The following MYO6 variants were observed in gnomAD, a reference collection of about 807,000 sequenced individuals.
The protein encoded by MYO6 is unconventional myosin-VI.
A neutral mutation model predicts 178.7 loss-of-function variants in MYO6; 74 were observed. The ratio of observed to expected loss-of-function variants is 0.41; its 90% CI spans 0.34 to 0.50. MYO6 has a LOEUF of 0.50. Ranked by LOEUF, MYO6 falls within the 20% of genes least tolerant of loss-of-function variation. The pLI, the probability that MYO6 is intolerant of heterozygous loss-of-function variation, is 0.09. For synonymous variants in MYO6, 477 were observed against 504.6 expected (o/e 0.95, Z 0.73); for missense variants, 1,330 against 1,547.4 (o/e 0.86, Z 2.36).
intron 1 of MYO6, among the ~76,000 whole-genome samples, chr6:75,780,408 C>G (rs1036995390): frequency 1.3e-5 from 2 of 152,018 alleles, no homozygotes; most frequent in Non-Finnish European, 2.9e-5. Flanking sequence ...TGCCACAGCA[C>G]TCCAGCCTGG....
intron 28 of MYO6, among the ~76,000 whole-genome samples, chr6:75,893,692 A>G (rs1177952810): frequency 6.6e-6 from 1 of 152,236 alleles, no homozygotes; most frequent in South Asian, 2.1e-4. Context: ...GCACCCACCA[A>G]ATAGTATGTG....
intron 22 of MYO6, among the ~76,000 whole-genome samples, chr6:75,880,602 G>A (rs1344071254): frequency 6.6e-6 from 1 of 152,172 alleles, no homozygotes; most frequent in Admixed American, 6.5e-5. Flanking sequence ...GGACAATCTT[G>A]TCTTAGAGCT....
At chr6:75,865,467 C>T (rs950311449) in intron 16 of MYO6, 1 of 147,990 alleles carries the variant, frequency 6.8e-6, no homozygotes, top group Admixed American at 6.9e-5. Flanking sequence ...GGGCTCAAAC[C>T]ATCCTCCCAC....
rs1047951800 is a variant in MYO6, at chr6:75,781,027, G to A, written c.-48+31604G>A. On this transcript the variant is annotated intron_variant, in intron 1 of 34. Coordinates refer to ENST00000369977, the MANE Select transcript of MYO6 (RefSeq NM_004999.4). ...AGGGTTTCACCATGTTGGCCAGGTC[G>A]GTCTCAAACTCCTGACCTCAAGTGA... Among the ~76,000 whole-genome samples the A allele has an allele frequency of 9.9e-5, 15 of 152,070 alleles. 1 individual carries two copies. In the East Asian group the frequency reaches 1.5e-3, roughly 16 times the overall value.
chr6:75,873,964 AC>A (rs1777364901), intron 20 of MYO6, among the ~76,000 whole-genome samples: 1 of 151,424 alleles, frequency 6.6e-6, no homozygotes, highest in Non-Finnish European at 1.5e-5. Flanking sequence ...CACCAACACT[AC>A]CCCTAATTTT....
chr6:75,844,567 A>G (rs1259529868), intron 9 of MYO6, among the ~76,000 whole-genome samples: 1 of 152,136 alleles, frequency 6.6e-6, no homozygotes, highest in Non-Finnish European at 1.5e-5. Flanking sequence ...GGTGATTTTC[A>G]TGATTTTATA....
At chr6:75,902,272 A>G (rs1029590997) in intron 30 of MYO6, among the ~76,000 whole-genome samples, 21 of 152,090 alleles carry the variant, frequency 1.4e-4, no homozygotes, top group Admixed American at 2.6e-4. Flanking sequence ...CTCTTTTTCT[A>G]TTGATTGGAA....
intron 1 of MYO6, among the ~76,000 whole-genome samples, chr6:75,808,869 C>G (rs1171823907): frequency 6.6e-6 from 1 of 152,102 alleles, no homozygotes; most frequent in African/African-American, 2.4e-5. Context: ...AAACTCAAGG[C>G]AGGGGGAGGG....
chr6:75,834,570 A>G (rs1425333413), intron 6 of MYO6, among the ~76,000 whole-genome samples: 1 of 152,118 alleles, frequency 6.6e-6, no homozygotes, highest in Non-Finnish European at 1.5e-5. Context: ...TTAAAAATGG[A>G]AGGAATCATA....
Position 75,889,636 on chromosome 6 carries a change from C to T in MYO6, c.2659-421C>T, listed in dbSNP as rs543915750. Reference sequence around the variant, plus strand: ...CTATGTTGGCCAGGCTGGTCTCGAACTCCTGACCTCAGGTGATCTGTCCAC... The same window carrying T: ...CTATGTTGGCCAGGCTGGTCTCGAATTCCTGACCTCAGGTGATCTGTCCAC... On this transcript the variant is annotated intron_variant, in intron 25 of 34. Transcript: ENST00000369977. Among the ~76,000 whole-genome samples the T allele has an allele frequency of 3.9e-5, 6 of 152,292 alleles. No homozygotes were observed. In the South Asian group the frequency reaches 1.2e-3, roughly 32 times the overall value.
intron 10 of MYO6, among the ~76,000 whole-genome samples, chr6:75,845,354 G>T (rs545611501): frequency 2.6e-4 from 40 of 152,240 alleles, no homozygotes; most frequent in Admixed American, 7.2e-4. Flanking sequence ...CAAGGCTGAC[G>T]TGAGGTTTGA....
At chr6:75,864,001 A>G (rs1776435735) in intron 16 of MYO6, among the ~76,000 whole-genome samples, 1 of 152,162 alleles carries the variant, frequency 6.6e-6, no homozygotes, top group African/African-American at 2.4e-5. Flanking sequence ...ACAATGTGCT[A>G]GCCACACAAA....
At chr6:75,826,096 A>G (rs979154228) in intron 3 of MYO6, among the ~76,000 whole-genome samples, 1 of 152,240 alleles carries the variant, frequency 6.6e-6, no homozygotes, top group Non-Finnish European at 1.5e-5. Context: ...ATTATTTGGT[A>G]GAGCAGGAAG....
chr6:75,863,492 C>CT (rs397886316), intron 16 of MYO6, among the ~76,000 whole-genome samples: 2,517 of 148,218 alleles, frequency 0.017, 67 homozygotes, highest in African/African-American at 0.059. Context: ...GTTTTCCTTT[C>CT]TTTTTTTTTT....
chr6:75,869,070 A>ATTTTTTTTTTTTTTTTTTTTT (rs71544072), intron 18 of MYO6, among the ~76,000 whole-genome samples: 1 of 59,854 alleles, frequency 1.7e-5, no homozygotes, highest in East Asian at 5.6e-4. Flanking sequence ...CTTTATCTCC[A>ATTTTTTTTTTTTTTTTTTTTT]TTTTTTTTTT....
At chr6:75,794,634 A>G (rs1300562104) in intron 1 of MYO6, among the ~76,000 whole-genome samples, 1 of 151,750 alleles carries the variant, frequency 6.6e-6, no homozygotes, top group Non-Finnish European at 1.5e-5. Flanking sequence ...AGGAGCGAGC[A>G]GTGAAGGGAA....
At chr6:75,767,520 C>CTT (rs1002645261) in intron 1 of MYO6, among the ~76,000 whole-genome samples, 62 of 131,218 alleles carry the variant, frequency 4.7e-4, no homozygotes, top group South Asian at 7.4e-4. Flanking sequence ...TTACAAATTC[C>CTT]TTTTTTTTTT....
chr6:75,852,818 A>G (rs1193306036), intron 11 of MYO6, among the ~76,000 whole-genome samples: 1 of 152,170 alleles, frequency 6.6e-6, no homozygotes, highest in Middle Eastern at 3.4e-3. Context: ...TTTGTGTACA[A>G]ATTTGTGTTT....
At chr6:75,784,316 CTT>C (rs1169690738) in intron 1 of MYO6, among the ~76,000 whole-genome samples, 2 of 150,366 alleles carry the variant, frequency 1.3e-5, no homozygotes, top group African/African-American at 4.9e-5. Flanking sequence ...ATGGGGGAGA[CTT>C]TATTTGAGGG....
Sources: allele counts gnomAD v4.1 joint callset (sites outside exome capture counted in the v4.1 genomes callset), GRCh38; gene constraint gnomAD v4.1.1; transcripts MANE v1.5; gene names NCBI Gene and HGNC (gene_info 2026-07-23, HGNC 2026-07-21).